The following ERICH6B variants were observed in gnomAD, a reference collection of about 807,000 sequenced individuals.
The protein encoded by ERICH6B is glutamate rich 6B.
Under a neutral mutation model 80.0 loss-of-function variants are expected in ERICH6B, and 69 were observed. That is an observed-to-expected ratio of 0.86 (90% CI 0.71 to 1.05). The LOEUF is 1.05. ERICH6B is among the 50% of genes least tolerant of loss of function. The pLI is 0.00. For missense variants in ERICH6B, 754 were observed against 796.1 expected, an observed-to-expected ratio of 0.95 and a Z score of 0.64; for synonymous variants, 283 against 291.9, an observed-to-expected ratio of 0.97 and a Z score of 0.31.
chr13:45,581,555 T>G (rs1875669861), intron 5 of ERICH6B, among the ~76,000 whole-genome samples: 1 of 152,174 alleles, frequency 6.6e-6, no homozygotes, highest in South Asian at 2.1e-4. Context: ...TTTTGTATTT[T>G]TAGTAGAGGC....
chr13:45,541,910 AC>A (rs1268382593), intron 14 of ERICH6B, among the ~76,000 whole-genome samples: 9 of 152,208 alleles, frequency 5.9e-5, no homozygotes, highest in Admixed American at 5.9e-4. Context: ...CTGAGGCCAC[AC>A]CCATGCCTGG....
intron 10 of ERICH6B, among the ~76,000 whole-genome samples, chr13:45,563,087 T>G (rs1226512518): frequency 6.6e-6 from 1 of 152,224 alleles, no homozygotes; most frequent in Non-Finnish European, 1.5e-5. Context: ...CTTCCATGAT[T>G]AGATCCATGA....
chr13:45,559,190 TAA>T (rs1482315824), intron 11 of ERICH6B, among the ~76,000 whole-genome samples: 1 of 152,326 alleles, frequency 6.6e-6, no homozygotes, highest in East Asian at 1.9e-4. Flanking sequence ...TTTATGCATG[TAA>T]AAGTGTTCAT....
At chr13:45,586,584 GA>G (rs1875912707) in intron 5 of ERICH6B, among the ~76,000 whole-genome samples, 2 of 152,164 alleles carry the variant, frequency 1.3e-5, no homozygotes, top group South Asian at 4.1e-4. Flanking sequence ...GGTGGGTTCT[GA>G]ATCAGGGCTG....
Position 45,596,851 on chromosome 13 carries a change from T to A in ERICH6B, c.155A>T (p.Glu52Val), listed in dbSNP as rs1417163816. 1.3e-6 allele frequency: 2 copies of A among 1,551,850 alleles called. No individual in the cohort carries two copies. The highest frequency in any genetic ancestry group is 1.2e-5 in the South Asian group (1 of 84,066). Residue 52 changes from glutamate (E) to valine (V), a missense_variant, in exon 3 of 15, where the codon GAG (glutamate) becomes GTG (valine). Transcript: ENST00000298738. ...CTCTTTGTCCTCCAGAGACTCTCCCTCTGGAGAAAATGGAGATTCATCCTG... is the reference window on the plus strand; with the variant it reads ...CTCTTTGTCCTCCAGAGACTCTCCCACTGGAGAAAATGGAGATTCATCCTG... Reference protein sequence around the residue: ...SLQDESPFSPEGESLEDKEYL... With the variant: ...SLQDESPFSPVGESLEDKEYL...
intron 2 of ERICH6B, among the ~76,000 whole-genome samples, chr13:45,603,936 C>T (rs538395665): frequency 3.4e-4 from 52 of 152,342 alleles, no homozygotes; most frequent in Non-Finnish European, 5.9e-4. Flanking sequence ...ACAGCGGGTA[C>T]GATGTGTGTT....
intron 8 of ERICH6B, among the ~76,000 whole-genome samples, chr13:45,571,120 G>T (rs1875146758): frequency 6.6e-6 from 1 of 152,184 alleles, no homozygotes; most frequent in Admixed American, 6.5e-5. Context: ...TGTGCCATAT[G>T]TGCTGCCACA....
intron 4 of ERICH6B, among the ~76,000 whole-genome samples, chr13:45,589,706 G>A (rs531782138): frequency 3.9e-5 from 6 of 152,302 alleles, no homozygotes; most frequent in East Asian, 1.9e-4. Context: ...AGGTGGTCAC[G>A]TCACTGTCAG....
chr13:45,596,720 C>G lies in ERICH6B; in HGVS notation c.286G>C (p.Glu96Gln). The G allele has an allele frequency of 6.4e-7, 1 of 1,551,890 alleles. No individual in the cohort carries two copies. Among genetic ancestry groups the G allele is most frequent in the Non-Finnish European group, 8.7e-7 (1 of 1,147,032 alleles). Reference protein sequence around the residue: ...LGKEEHLEEEEYLEKAGYLEE... With the variant: ...LGKEEHLEEEQYLEKAGYLEE... The stretch of plus-strand genomic sequence containing the variant: ...AGATACCCTGCCTTCTCCAGATACT[C>G]TTCCTCCTCCAGATGCTCTTCCTTC... The change falls in exon 3 of 15, where the codon GAG becomes CAG. Residue 96 changes from glutamate (E) to glutamine (Q), a missense_variant. By Grantham distance (29) the Glu-to-Gln change is conservative. Transcript: ENST00000298738.
At chr13:45,590,403 C>T (rs560632269) in intron 4 of ERICH6B, among the ~76,000 whole-genome samples, 54 of 152,198 alleles carry the variant, frequency 3.5e-4, no homozygotes, top group African/African-American at 8.4e-4. Flanking sequence ...CAAACTCAGA[C>T]GACCTCTGCC....
At chr13:45,580,750 G>T in intron 5 of ERICH6B, 85 bp from the exon 6 acceptor site, 1 of 1,399,360 alleles carries the variant, frequency 7.1e-7, no homozygotes, top group Non-Finnish European at 9.8e-7. Context: ...TGGGGTCCCA[G>T]GTTCTTTCTT....
intron 2 of ERICH6B, among the ~76,000 whole-genome samples, chr13:45,606,537 ATATATATATATTTTT>A (rs1949865514): frequency 1.5e-4 from 2 of 12,926 alleles, no homozygotes; most frequent in South Asian, 3.2e-3. Context: ...ATATATATAT[ATATATATATATTTTT>A]TTTTTTTTTT....
intron 2 of ERICH6B, among the ~76,000 whole-genome samples, chr13:45,603,293 T>A (rs1376626005): frequency 6.6e-6 from 1 of 152,192 alleles, no homozygotes; most frequent in East Asian, 1.9e-4. Flanking sequence ...AGAAACACCC[T>A]CACAGCCACA....
chr13:45,563,502 C>T (rs1375549179), intron 10 of ERICH6B, among the ~76,000 whole-genome samples: 1 of 152,164 alleles, frequency 6.6e-6, no homozygotes, highest in Non-Finnish European at 1.5e-5. Context: ...TGTTCAGATC[C>T]CCCACCTGCC....
intron 1 of ERICH6B, among the ~76,000 whole-genome samples, chr13:45,610,998 A>G (rs1188153084): frequency 1.3e-5 from 2 of 152,106 alleles, no homozygotes; most frequent in Non-Finnish European, 2.9e-5. Flanking sequence ...TTTCTTGGCA[A>G]TACTGATGTT....
chr13:45,582,215 T>A (rs1875702303), intron 5 of ERICH6B, among the ~76,000 whole-genome samples: 1 of 152,144 alleles, frequency 6.6e-6, no homozygotes, highest in African/African-American at 2.4e-5. Flanking sequence ...TCTTAGAGAG[T>A]GTGGTGTCCC....
intron 1 of ERICH6B, among the ~76,000 whole-genome samples, chr13:45,612,856 T>C (rs1925756): frequency 0.27 from 40,870 of 151,962 alleles, 6,259 homozygotes; most frequent in African/African-American, 0.43. Context: ...CACTTAGTCA[T>C]TGGGAAGGCT....
intron 7 of ERICH6B, among the ~76,000 whole-genome samples, chr13:45,579,057 A>G (rs1188209147): frequency 6.6e-6 from 1 of 152,058 alleles, no homozygotes; most frequent in Non-Finnish European, 1.5e-5. Flanking sequence ...GAAAGGTCAG[A>G]TCTCAAATCT....
At chr13:45,563,469 A>G (rs1455116247) in intron 10 of ERICH6B, among the ~76,000 whole-genome samples, 1 of 152,144 alleles carries the variant, frequency 6.6e-6, no homozygotes, top group African/African-American at 2.4e-5. Flanking sequence ...CACACCACTG[A>G]AATGCCAAGG....
Sources: allele counts gnomAD v4.1 joint callset (sites outside exome capture counted in the v4.1 genomes callset), GRCh38; gene constraint gnomAD v4.1.1; transcripts MANE v1.5; gene names NCBI Gene and HGNC (gene_info 2026-07-23, HGNC 2026-07-21).